Variants in CDKAL1 observed in about 807,000 individuals in gnomAD.
The protein encoded by CDKAL1 is threonylcarbamoyladenosine tRNA methylthiotransferase.
CDKAL1 carries 32 observed loss-of-function variants against 68.2 expected under a neutral mutation model. That is an observed-to-expected ratio of 0.47 (90% CI 0.35 to 0.63). The LOEUF is 0.63. CDKAL1 is among the 30% of genes least tolerant of loss of function. CDKAL1 has a pLI of 0.00. For missense variants in CDKAL1, 606 were observed against 696.7 expected, an observed-to-expected ratio of 0.87 and a Z score of 1.47; for synonymous variants, 234 against 244.3, an observed-to-expected ratio of 0.96 and a Z score of 0.39.
At chr6:20,970,478 A>G (rs2150753064) in intron 10 of CDKAL1, among the ~76,000 whole-genome samples, 1 of 152,322 alleles carries the variant, frequency 6.6e-6, no homozygotes, top group Middle Eastern at 3.4e-3. Flanking sequence ...TCTTTACTCC[A>G]CCATTCCTGC....
intron 11 of CDKAL1, among the ~76,000 whole-genome samples, chr6:21,041,676 C>T (rs1769940620): frequency 6.8e-6 from 1 of 147,278 alleles, no homozygotes; most frequent in Admixed American, 6.8e-5. Flanking sequence ...ACTTGCCTAT[C>T]GTATTTGGTA....
At chr6:20,950,836 G>A (rs1268179137) in intron 9 of CDKAL1, among the ~76,000 whole-genome samples, 12 of 152,116 alleles carry the variant, frequency 7.9e-5, no homozygotes, top group Non-Finnish European at 1.5e-4. Context: ...ATGGCATGGT[G>A]GTGTGCGCCT....
chr6:21,114,760 A>T (rs1774322327), intron 13 of CDKAL1, among the ~76,000 whole-genome samples: 1 of 152,182 alleles, frequency 6.6e-6, no homozygotes, highest in African/African-American at 2.4e-5. Flanking sequence ...AAAGAAAAGA[A>T]AAGATAAAAG....
intron 6 of CDKAL1, among the ~76,000 whole-genome samples, chr6:20,739,970 A>G (rs1158861263): frequency 6.6e-6 from 1 of 152,096 alleles, no homozygotes; most frequent in Non-Finnish European, 1.5e-5. Flanking sequence ...TAGTACATCA[A>G]TGCCTTTTTT....
At chr6:20,746,168 C>T (rs989120080) in intron 6 of CDKAL1, among the ~76,000 whole-genome samples, 1 of 152,104 alleles carries the variant, frequency 6.6e-6, no homozygotes, top group Admixed American at 6.6e-5. Flanking sequence ...TTTACTGGCA[C>T]CCTTCTAGCC....
intron 12 of CDKAL1, among the ~76,000 whole-genome samples, chr6:21,099,371 A>C (rs940606632): frequency 6.6e-6 from 1 of 152,242 alleles, no homozygotes; most frequent in African/African-American, 2.4e-5. Context: ...AAAACTTTAT[A>C]TATATAAATT....
intron 7 of CDKAL1, among the ~76,000 whole-genome samples, chr6:20,779,297 G>A (rs915110741): frequency 1.3e-5 from 2 of 152,166 alleles, no homozygotes; most frequent in Non-Finnish European, 2.9e-5. Context: ...ATATATCCAA[G>A]GGAAATAAAA....
chr6:20,943,634 T>G (rs1336003779), intron 9 of CDKAL1, among the ~76,000 whole-genome samples: 1 of 151,492 alleles, frequency 6.6e-6, no homozygotes. Context: ...TCCACTAGGT[T>G]CTTTTCAAAT....
intron 9 of CDKAL1, among the ~76,000 whole-genome samples, chr6:20,925,516 C>A (rs919578814): frequency 6.6e-6 from 1 of 152,076 alleles, no homozygotes; most frequent in East Asian, 1.9e-4. Context: ...AATAACAATA[C>A]CTTGCTTAAT....
rs145894251 is a variant in CDKAL1, at chr6:21,191,992, C to CTTTTT, written c.1300-5993_1300-5989dup. 4.9e-3 allele frequency among the ~76,000 whole-genome samples: 169 copies of CTTTTT among 34,534 alleles called. 47 individuals are homozygous for CTTTTT. The highest frequency in any genetic ancestry group is 6.3e-3 in the East Asian group (6 of 958). 22.7% of individuals were successfully genotyped at this position (34,534 alleles called of 152,430 possible). A position where few individuals can be genotyped will look rare whatever the true frequency, so the allele number is the denominator to read the frequency against. On this transcript the variant is annotated intron_variant, in intron 13 of 15. Transcript: ENST00000274695. ...AGGAATATTTTTATAATTCATTTTT[C>CTTTTT]TTTTTTTTTTTTTTTTTTTTTTTTT... is the stretch of plus-strand genomic sequence containing the variant.
intron 5 of CDKAL1, among the ~76,000 whole-genome samples, chr6:20,688,361 CAT>C (rs1257368705): frequency 6.6e-6 from 1 of 151,970 alleles, no homozygotes; most frequent in African/African-American, 2.4e-5. Context: ...TATTCTATCA[CAT>C]GTATGTTACA....
chr6:20,816,336 G>A (rs898496996), intron 8 of CDKAL1, among the ~76,000 whole-genome samples: 2 of 152,076 alleles, frequency 1.3e-5, no homozygotes, highest in African/African-American at 4.8e-5. Flanking sequence ...TAATGTCAAA[G>A]CTTTCTTTGT....
intron 9 of CDKAL1, among the ~76,000 whole-genome samples, chr6:20,897,741 GATTAA>G (rs1761768669): frequency 2.6e-5 from 4 of 151,946 alleles, no homozygotes; most frequent in Admixed American, 6.5e-5. Flanking sequence ...TCAGTGGTGG[GATTAA>G]ATTATTTAAA....
At chr6:21,120,791 T>A (rs1562048062) in intron 13 of CDKAL1, among the ~76,000 whole-genome samples, 3 of 152,186 alleles carry the variant, frequency 2.0e-5, no homozygotes, top group South Asian at 2.1e-4. Flanking sequence ...CATTCTTTTT[T>A]AAAAAAATAG....
At chr6:20,921,235 C>T (rs937169605) in intron 9 of CDKAL1, among the ~76,000 whole-genome samples, 3 of 152,124 alleles carry the variant, frequency 2.0e-5, no homozygotes, top group Non-Finnish European at 2.9e-5. Context: ...TCAAGACCAA[C>T]CTGGCCAACA....
At chr6:21,196,185 G>A (rs1778464225) in intron 13 of CDKAL1, among the ~76,000 whole-genome samples, 2 of 152,160 alleles carry the variant, frequency 1.3e-5, no homozygotes. Context: ...ATTTCACATT[G>A]TTGTTAATTT....
In CDKAL1 at chr6:21,149,573, C is replaced by T. The variant is rs565691099; in HGVS notation, c.1299+41110C>T. On this transcript the variant is annotated intron_variant, in intron 13 of 15. Coordinates refer to ENST00000274695, the MANE Select transcript of CDKAL1 (RefSeq NM_017774.3). ...TTGCAACATTTGCTGGTGATACATC[C>T]TAAAGCCTCACGATTCCTCACATTC... Among the ~76,000 whole-genome samples the T allele has an allele frequency of 5.3e-5, 8 of 152,304 alleles. No homozygotes were observed. In the East Asian group the frequency reaches 1.5e-3, roughly 29 times the overall value.
At chr6:20,665,537 A>G (rs1769493035) in intron 5 of CDKAL1, among the ~76,000 whole-genome samples, 2 of 152,114 alleles carry the variant, frequency 1.3e-5, no homozygotes, top group South Asian at 2.1e-4. Context: ...TCCAGAATGG[A>G]TGATGACTCT....
At chr6:20,609,391 TCTTCTTC>T (rs1561963287) in intron 4 of CDKAL1, among the ~76,000 whole-genome samples, 1 of 110,244 alleles carries the variant, frequency 9.1e-6, no homozygotes, top group African/African-American at 3.2e-5. Context: ...TTCTTCTTCT[TCTTCTTC>T]TTCTTTTTTT....
Sources: allele counts gnomAD v4.1 joint callset (sites outside exome capture counted in the v4.1 genomes callset), GRCh38; gene constraint gnomAD v4.1.1; transcripts MANE v1.5; gene names NCBI Gene and HGNC (gene_info 2026-07-23, HGNC 2026-07-21).